Variants in CPNE4 observed in about 807,000 individuals in gnomAD.
The protein encoded by CPNE4 is copine 4.
In CPNE4, 25 loss-of-function variants were observed where a neutral mutation model predicts 67.9. The ratio of observed to expected loss-of-function variants is 0.37; its 90% CI spans 0.27 to 0.51. The LOEUF (loss-of-function observed/expected upper bound fraction) is 0.51, where lower values mean the gene tolerates loss of function less well. Among genes scored for constraint, CPNE4 ranks in the 20% least tolerant of loss-of-function variants. The pLI is 0.93. For missense variants in CPNE4, 464 were observed against 690.8 expected, an observed-to-expected ratio of 0.67 and a Z score of 3.68; for synonymous variants, 242 against 244.9, an observed-to-expected ratio of 0.99 and a Z score of 0.11.
At chr3:131,909,435 G>A (rs2088894224) in intron 1 of CPNE4, among the ~76,000 whole-genome samples, 2 of 152,064 alleles carry the variant, frequency 1.3e-5, no homozygotes, top group African/African-American at 4.8e-5. Flanking sequence ...CAATGCAGAG[G>A]GGTCAATTGT....
In CPNE4 at chr3:131,669,726, G is replaced by T; in HGVS notation, c.630C>A (p.Phe210Leu). ...TGCATAGAGAATTTACAGATACTTT[G>T]AATGATTTCCAGGCTGGGCTTAAGT... ...MNNLSPAWKS[F>L]KVSVNSLCSG... Residue 210 changes from phenylalanine (F) to leucine (L), a missense_variant, in exon 7 of 16, where the codon TTC becomes TTA. Phe to Leu is a conservative substitution (Grantham distance 22, BLOSUM62 0). Coordinates refer to ENST00000429747, the MANE Select transcript of CPNE4 (RefSeq NM_130808.3). The T allele has an allele frequency of 6.2e-7, 1 of 1,613,894 alleles. No homozygotes were observed. Among genetic ancestry groups the T allele is most frequent in the Non-Finnish European group, 8.5e-7 (1 of 1,179,840 alleles).
At chr3:132,010,161 G>A (rs1277560728) in intron 1 of CPNE4, among the ~76,000 whole-genome samples, 1 of 152,108 alleles carries the variant, frequency 6.6e-6, no homozygotes, top group Non-Finnish European at 1.5e-5. Context: ...TATGGCCTTG[G>A]GCAGATTGCC....
At chr3:131,670,821 T>G (rs1008612924) in intron 6 of CPNE4, among the ~76,000 whole-genome samples, 5 of 152,216 alleles carry the variant, frequency 3.3e-5, no homozygotes, top group African/African-American at 9.6e-5. Context: ...TTTTTGTTTT[T>G]TTTTTTTGAG....
chr3:131,671,194 T>A (rs2080404858), intron 6 of CPNE4, among the ~76,000 whole-genome samples: 1 of 152,252 alleles, frequency 6.6e-6, no homozygotes. Flanking sequence ...AGACTCATTG[T>A]TAAATTTCTT....
At chr3:131,779,112 A>G (rs1280717063) in intron 2 of CPNE4, among the ~76,000 whole-genome samples, 6 of 152,120 alleles carry the variant, frequency 3.9e-5, no homozygotes. Context: ...TAAAATACCT[A>G]GGAATACAGC....
intron 1 of CPNE4, among the ~76,000 whole-genome samples, chr3:131,916,618 C>T (rs2107799962): frequency 1.3e-5 from 2 of 152,186 alleles, no homozygotes; most frequent in South Asian, 4.2e-4. Flanking sequence ...AAAAGAAATA[C>T]CTTTTCAGGA....
intron 7 of CPNE4, among the ~76,000 whole-genome samples, chr3:131,667,514 G>C (rs186799031): frequency 6.6e-6 from 1 of 152,060 alleles, no homozygotes; most frequent in Admixed American, 6.6e-5. Flanking sequence ...TGCTGTTAAG[G>C]ATCCTACAGG....
intron 7 of CPNE4, among the ~76,000 whole-genome samples, chr3:131,628,678 T>C (rs9784288): frequency 0.24 from 35,141 of 148,280 alleles, 4,619 homozygotes; most frequent in African/African-American, 0.52. Flanking sequence ...TTCTAGTTTA[T>C]TTGCATAGAG....
At chr3:132,018,849 T>C (rs1322513838) in intron 1 of CPNE4, among the ~76,000 whole-genome samples, 1 of 152,198 alleles carries the variant, frequency 6.6e-6, no homozygotes, top group African/African-American at 2.4e-5. Context: ...GGGATATACA[T>C]GAAATATTTA....
chr3:131,567,971 A>G (rs1243888999), intron 10 of CPNE4, among the ~76,000 whole-genome samples: 3 of 151,990 alleles, frequency 2.0e-5, no homozygotes, highest in Non-Finnish European at 4.4e-5. Flanking sequence ...TCCCATGGCA[A>G]TGGCCCCTAC....
At chr3:131,895,676 T>G (rs1382714273) in intron 2 of CPNE4, among the ~76,000 whole-genome samples, 6 of 152,094 alleles carry the variant, frequency 3.9e-5, no homozygotes, top group Non-Finnish European at 1.5e-5. Flanking sequence ...AATGAATGCA[T>G]TTTGATATAT....
At chr3:131,775,538 G>A (rs562788855) in intron 2 of CPNE4, among the ~76,000 whole-genome samples, 47 of 152,058 alleles carry the variant, frequency 3.1e-4, no homozygotes, top group Non-Finnish European at 5.6e-4. Context: ...GAATCATGGG[G>A]GCTGGTCTTT....
intron 1 of CPNE4, among the ~76,000 whole-genome samples, chr3:132,001,553 G>GAGAAAGAAAGAAAGAA (rs763509045): frequency 5.0e-4 from 51 of 101,838 alleles, no homozygotes; most frequent in East Asian, 2.4e-3. Flanking sequence ...AAAGAAAAAA[G>GAGAAAGAAAGAAAGAA]AGAAAGAAAG....
At chr3:131,658,264 G>A (rs9810476) in intron 7 of CPNE4, among the ~76,000 whole-genome samples, 53,849 of 152,034 alleles carry the variant, frequency 0.35, 11,389 homozygotes, top group Non-Finnish European at 0.48. Flanking sequence ...AAAGAAGCTG[G>A]AGACTAGACC....
At chr3:131,904,179 G>A (rs1039940649) in intron 2 of CPNE4, among the ~76,000 whole-genome samples, 1 of 152,104 alleles carries the variant, frequency 6.6e-6, no homozygotes, top group African/African-American at 2.4e-5. Context: ...TTACACATGA[G>A]TCTTGGGGGA....
chr3:131,733,487 T>C (rs372548488), intron 2 of CPNE4, among the ~76,000 whole-genome samples: 2 of 152,204 alleles, frequency 1.3e-5, no homozygotes, highest in African/African-American at 2.4e-5. Flanking sequence ...TTCTATAACA[T>C]AGAAGATGTT....
chr3:131,893,109 C>T (rs959140811), intron 2 of CPNE4, among the ~76,000 whole-genome samples: 2 of 151,696 alleles, frequency 1.3e-5, no homozygotes, highest in Non-Finnish European at 2.9e-5. Flanking sequence ...TTTTTAAAGG[C>T]AAACATAGAC....
chr3:131,933,373 C>G (rs965740013), intron 1 of CPNE4, among the ~76,000 whole-genome samples: 1 of 152,020 alleles, frequency 6.6e-6, no homozygotes, highest in Non-Finnish European at 1.5e-5. Context: ...TGAGAGGCTT[C>G]GTGAAAAGTG....
At chr3:131,865,152 T>C (rs2086878041) in intron 2 of CPNE4, among the ~76,000 whole-genome samples, 1 of 152,202 alleles carries the variant, frequency 6.6e-6, no homozygotes, top group Non-Finnish European at 1.5e-5. Context: ...TCAGTGATAC[T>C]GGTCTAAAAT....
Sources: gnomAD v4.1 joint callset for allele counts (sites outside exome capture counted in the v4.1 genomes callset) on GRCh38, gnomAD v4.1.1 for gene constraint, MANE v1.5 for transcripts, NCBI Gene and HGNC (gene_info 2026-07-23, HGNC 2026-07-21) for gene names.